ANKRD30A: variants seen among roughly 807,000 people sequenced by gnomAD.
ANKRD30A encodes ankyrin repeat domain 30A.
In ANKRD30A, 170 loss-of-function variants were observed where a neutral mutation model predicts 166.3. The ratio of observed to expected loss-of-function variants is 1.02; its 90% confidence interval spans 0.90 to 1.16. ANKRD30A has a LOEUF of 1.16. Among genes scored for constraint, ANKRD30A ranks in the 50% most tolerant of loss-of-function variants. ANKRD30A has a pLI of 0.00. For synonymous variants in ANKRD30A, 564 were observed against 508.9 expected (o/e 1.11, Z -1.46); for missense variants, 1,630 against 1,518.0 (o/e 1.07, Z -1.23).
At chr10:37,239,516 G>T in the ANKRD30A span, among the ~76,000 whole-genome samples, 1 of 152,210 alleles carries the variant, frequency 6.6e-6, no homozygotes, top group African/African-American at 2.4e-5. Context: ...ACATTGAAAT[G>T]TAAATTTTCT....
chr10:37,190,284 T>C (rs1293387530), intron 25 of ANKRD30A, among the ~76,000 whole-genome samples: 9 of 151,880 alleles, frequency 5.9e-5, no homozygotes, highest in Non-Finnish European at 1.3e-4. Flanking sequence ...ATGCTGATGC[T>C]GGTGGTCCTT....
chr10:37,205,166 A>C (rs1487429286), intron 31 of ANKRD30A, among the ~76,000 whole-genome samples: 1 of 152,092 alleles, frequency 6.6e-6, no homozygotes, highest in Non-Finnish European at 1.5e-5. Flanking sequence ...TTATTGCAGC[A>C]CTCTTCACAA....
downstream of ANKRD30A, among the ~76,000 whole-genome samples, chr10:37,232,905 A>T (rs563489488): frequency 1.3e-4 from 19 of 149,634 alleles, no homozygotes; most frequent in African/African-American, 4.7e-4. Context: ...AAAAAAAAAA[A>T]AACAAAATAA....
At chr10:37,148,327 GA>G (rs1438479680) in intron 9 of ANKRD30A, among the ~76,000 whole-genome samples, 1 of 152,012 alleles carries the variant, frequency 6.6e-6, no homozygotes, top group Non-Finnish European at 1.5e-5. Flanking sequence ...CTTTTAGCCA[GA>G]GAAGAAGAAT....
intron 27 of ANKRD30A, among the ~76,000 whole-genome samples, chr10:37,196,618 A>G (rs1372773525): frequency 6.6e-6 from 1 of 152,194 alleles, no homozygotes; most frequent in Non-Finnish European, 1.5e-5. Flanking sequence ...CTATTGCAAT[A>G]AATTTTTATA....
downstream of ANKRD30A, chr10:37,232,654 T>TATATATATA (rs71007625): frequency 4.8e-4 from 26 of 54,196 alleles, 1 homozygote; most frequent in African/African-American, 8.3e-4. Context: ...AGCATTGGTT[T>TATATATATA]TATATATATA....
At chr10:37,216,697 G>A (rs939096489) in intron 32 of ANKRD30A, among the ~76,000 whole-genome samples, 3 of 151,132 alleles carry the variant, frequency 2.0e-5, no homozygotes, top group African/African-American at 7.3e-5. Context: ...TATAAATGCT[G>A]CAAGGCATAA....
At chr10:37,154,393 G>A (rs1025554520) in intron 13 of ANKRD30A, among the ~76,000 whole-genome samples, 1 of 152,160 alleles carries the variant, frequency 6.6e-6, no homozygotes, top group Non-Finnish European at 1.5e-5. Context: ...TGATGCTGGT[G>A]GTCCTTGGAC....
intron 26 of ANKRD30A, 39 bp from the exon 27 acceptor site, chr10:37,193,147 A>G (rs746615472): frequency 6.8e-6 from 11 of 1,607,550 alleles, no homozygotes; most frequent in Non-Finnish European, 9.4e-6. Flanking sequence ...TATGAAGTAT[A>G]CATTGTATAT....
chr10:37,137,135 A>G (rs894911652), intron 6 of ANKRD30A, among the ~76,000 whole-genome samples: 5 of 152,012 alleles, frequency 3.3e-5, no homozygotes, highest in African/African-American at 4.8e-5. Context: ...ATGAATTAAT[A>G]TATTTATAAA....
downstream of ANKRD30A, chr10:37,232,698 A>ATATATAT (rs1843493731): frequency 7.1e-4 from 1 of 1,404 alleles, no homozygotes; most frequent in African/African-American, 1.1e-3. Flanking sequence ...ATATATAAAT[A>ATATATAT]GAGAGAGAGA....
intron 5 of ANKRD30A, chr10:37,135,470 A>T (rs1836623511): frequency 6.6e-6 from 1 of 152,210 alleles, no homozygotes; most frequent in Admixed American, 6.5e-5. Flanking sequence ...ATGTAAGGTG[A>T]TGTATGAAAT....
intron 17 of ANKRD30A, among the ~76,000 whole-genome samples, chr10:37,164,437 G>A (rs1839143176): frequency 6.6e-6 from 1 of 151,612 alleles, no homozygotes; most frequent in Non-Finnish European, 1.5e-5. Flanking sequence ...GGTGTCACAA[G>A]CTGACTCTGA....
chr10:37,244,475 T>G, the ANKRD30A span, among the ~76,000 whole-genome samples: 1 of 152,234 alleles, frequency 6.6e-6, no homozygotes, highest in Non-Finnish European at 1.5e-5. Context: ...GATTTGTTTT[T>G]CATCCATGTT....
In ANKRD30A at chr10:37,137,194, G is replaced by C. The variant is rs1285479852; in HGVS notation, c.820+523G>C. Among the ~76,000 whole-genome samples the C allele has an allele frequency of 6.6e-5, 10 of 152,190 alleles. No homozygotes were observed. In the East Asian group the frequency reaches 1.4e-3, roughly 21 times the overall value. ...GTAGCTTACATGCCCTGAATTACAAGCCACAAATAATTGAACATCTAATCA... is the reference window on the plus strand; with the variant it reads ...GTAGCTTACATGCCCTGAATTACAACCCACAAATAATTGAACATCTAATCA... On this transcript the variant is annotated intron_variant, in intron 6 of 35. Coordinates refer to ENST00000361713, the MANE Select transcript of ANKRD30A (RefSeq NM_052997.3).
At chr10:37,247,856 T>C in the ANKRD30A span, among the ~76,000 whole-genome samples, 2 of 139,352 alleles carry the variant, frequency 1.4e-5, no homozygotes, top group Non-Finnish European at 3.0e-5. Flanking sequence ...TACTCCAGCC[T>C]GGGCGACAGA....
At chr10:37,258,938 G>A in the ANKRD30A span, among the ~76,000 whole-genome samples, 2 of 146,562 alleles carry the variant, frequency 1.4e-5, no homozygotes, top group South Asian at 4.3e-4. Context: ...ACCCTAGCCT[G>A]GGTGACAAAG....
chr10:37,156,896 A>C (rs1003167809), intron 13 of ANKRD30A, among the ~76,000 whole-genome samples: 1 of 152,194 alleles, frequency 6.6e-6, no homozygotes, highest in Non-Finnish European at 1.5e-5. Flanking sequence ...ACATACATGC[A>C]ATATGGTCAT....
At chr10:37,194,375 G>A (rs1328009232) in intron 27 of ANKRD30A, among the ~76,000 whole-genome samples, 1 of 148,898 alleles carries the variant, frequency 6.7e-6, no homozygotes, top group Admixed American at 6.7e-5. Context: ...TTGTTTTTTT[G>A]AGCTCGACCA....
Sources: gnomAD v4.1 joint callset for allele counts (sites outside exome capture counted in the v4.1 genomes callset) on GRCh38, gnomAD v4.1.1 for gene constraint, MANE v1.5 for transcripts, NCBI Gene and HGNC (gene_info 2026-07-23, HGNC 2026-07-21) for gene names.